CPNE3: variants seen among roughly 807,000 people sequenced by gnomAD.
CPNE3 encodes the protein copine-3.
CPNE3 carries 68 observed loss-of-function variants against 63.9 expected under a neutral mutation model. The ratio of observed to expected loss-of-function variants is 1.06; its 90% CI spans 0.87 to 1.30. CPNE3 has a LOEUF of 1.30. Ranked by LOEUF, CPNE3 falls within the 50% of genes most tolerant of loss-of-function variation. The probability of loss-of-function intolerance (pLI) is 0.00; values close to 1 mark genes in which losing one functional copy is unlikely to be tolerated. For synonymous variants in CPNE3, 219 were observed against 197.5 expected (o/e 1.11, Z -0.91); for missense variants, 665 against 578.1 (o/e 1.15, Z -1.54).
chr8:86,526,980 TGTTA>T (rs1345450373), intron 2 of CPNE3, among the ~76,000 whole-genome samples: 4 of 152,182 alleles, frequency 2.6e-5, no homozygotes, highest in Admixed American at 6.5e-5. Flanking sequence ...TTAAATAAGA[TGTTA>T]GTTGTTTTTT....
At chr8:86,526,433 A>G (rs923349518) in intron 2 of CPNE3, among the ~76,000 whole-genome samples, 3 of 152,136 alleles carry the variant, frequency 2.0e-5, no homozygotes, top group Non-Finnish European at 4.4e-5. Context: ...GCAGATAGTG[A>G]TAAAATGATA....
Position 86,548,252 on chromosome 8 carries a change from A to C in CPNE3, c.880-49A>C, listed in dbSNP as rs201693007. The C allele has an allele frequency of 4.9e-4, 787 of 1,601,582 alleles. 1 individual carries two copies. Among genetic ancestry groups the C allele is most frequent in the Non-Finnish European group, 6.4e-4 (754 of 1,173,964 alleles). On this transcript the variant is annotated intron_variant, in intron 11 of 16. Transcript: ENST00000517490. ...TGAAGTTTTCCTGGACATCAAGCAC[A>C]GGTGTCCCTGCCTTCTCCTTACTAA...
chr8:86,523,892 G>A (rs554535688), intron 2 of CPNE3, among the ~76,000 whole-genome samples: 1 of 152,266 alleles, frequency 6.6e-6, no homozygotes, highest in Non-Finnish European at 1.5e-5. Flanking sequence ...CCGGCCTGAA[G>A]TGGATCTTGA....
intron 8 of CPNE3, among the ~76,000 whole-genome samples, chr8:86,543,382 G>T (rs1292423798): frequency 6.6e-6 from 1 of 152,130 alleles, no homozygotes; most frequent in Non-Finnish European, 1.5e-5. Flanking sequence ...GGGAATGAAA[G>T]ACTTCCAGTT....
chr8:86,518,962 G>A (rs986619128), intron 2 of CPNE3, among the ~76,000 whole-genome samples: 2 of 152,150 alleles, frequency 1.3e-5, no homozygotes, highest in South Asian at 4.2e-4. Context: ...TAGAGATGGG[G>A]TTTAGCCATG....
At chr8:86,515,931 A>T (rs994026720) in intron 2 of CPNE3, among the ~76,000 whole-genome samples, 9 of 152,212 alleles carry the variant, frequency 5.9e-5, no homozygotes, top group Non-Finnish European at 1.2e-4. Flanking sequence ...ATGGGAAACG[A>T]AAAGGGAACT....
chr8:86,528,681 A>T lies in CPNE3; in HGVS notation c.132+4A>T, dbSNP rs1219483246. The T allele has an allele frequency of 6.2e-7, 1 of 1,606,594 alleles. No homozygotes were observed. The highest frequency in any genetic ancestry group is 2.2e-5 in the East Asian group (1 of 44,822). ...AAGTGGTCAACAGTGGTATGAGGTA[A>T]TGTCAAATACTTTACCTAAAAAGTA... On this transcript the variant is annotated splice_donor_region_variant and intron_variant, in intron 3 of 16. Coordinates refer to ENST00000517490, the MANE Select transcript of CPNE3 (RefSeq NM_003909.5).
In CPNE3 at chr8:86,522,516, G is replaced by GGATTTAC. The variant is rs544173955; in HGVS notation, c.-10-6019_-10-6013dup. Among the ~76,000 whole-genome samples the GGATTTAC allele has an allele frequency of 3.0e-3, 409 of 135,772 alleles. 2 individuals are homozygous for GGATTTAC. Among genetic ancestry groups the GGATTTAC allele is most frequent in the African/African-American group, 0.011 (389 of 35,858 alleles). 89.1% of individuals were successfully genotyped at this position (135,772 alleles called of 152,430 possible). On this transcript the variant is annotated intron_variant, in intron 2 of 16. Coordinates refer to ENST00000517490, the MANE Select transcript of CPNE3 (RefSeq NM_003909.5). ...AACTCTGAGGAGCATAGCAGCCTTT[G>GGATTTAC]GATTTACAGCCATATTACCTGACGC...
At chr8:86,548,180 A>G (rs1436179249) in intron 11 of CPNE3, 121 bp from the exon 12 acceptor site, 1 of 959,336 alleles carries the variant, frequency 1.0e-6, no homozygotes, top group African/African-American at 1.7e-5. Context: ...AGTGGTAGGC[A>G]TTTGTTAGGA....
chr8:86,539,153 T>A (rs1036616500), intron 7 of CPNE3, among the ~76,000 whole-genome samples: 2 of 152,236 alleles, frequency 1.3e-5, no homozygotes, highest in African/African-American at 4.8e-5. Context: ...GCTTTGTATT[T>A]AACTCATTAT....
At chr8:86,552,216 T>A (rs1226224302) in intron 14 of CPNE3, among the ~76,000 whole-genome samples, 1 of 152,216 alleles carries the variant, frequency 6.6e-6, no homozygotes, top group African/African-American at 2.4e-5. Flanking sequence ...TGTTTTTTCC[T>A]TTTCTTCCTA....
intron 11 of CPNE3, 129 bp from the exon 12 acceptor site, chr8:86,548,172 T>C: frequency 1.2e-6 from 1 of 839,486 alleles, no homozygotes; most frequent in Non-Finnish European, 1.8e-6. Context: ...ATGGAAATAG[T>C]GGTAGGCATT....
At chr8:86,520,608 G>C (rs573647544) in intron 2 of CPNE3, among the ~76,000 whole-genome samples, 50 of 150,764 alleles carry the variant, frequency 3.3e-4, no homozygotes, top group African/African-American at 1.1e-3. Context: ...AGAAGTTACA[G>C]CAGTTGCCCA....
chr8:86,559,242 T>C lies in CPNE3; in HGVS notation c.*832T>C, dbSNP rs922295031. 2 of 152,144 alleles carry C rather than the reference T, an allele frequency of 1.3e-5. No homozygotes were observed. The highest frequency in any genetic ancestry group is 4.8e-5 in the African/African-American group (2 of 41,428). The allele number at this position is 152,144 out of a possible 1,614,324, so 9.4% of individuals were successfully genotyped here. A position where few individuals can be genotyped will look rare whatever the true frequency, so the allele number is the denominator to read the frequency against. On this transcript the variant is annotated 3_prime_UTR_variant, in exon 17 of 17. Transcript: ENST00000517490. ...ATTCTACATTATTAGATTACTTTAATTGAGATTTGTTAAAACGGTTAGGAC... is the reference window on the plus strand; with the variant it reads ...ATTCTACATTATTAGATTACTTTAACTGAGATTTGTTAAAACGGTTAGGAC...
intron 4 of CPNE3, among the ~76,000 whole-genome samples, chr8:86,529,456 A>G (rs1820621796): frequency 6.6e-6 from 1 of 152,184 alleles, no homozygotes; most frequent in Non-Finnish European, 1.5e-5. Flanking sequence ...TCAAGATAAC[A>G]GCAACTTCTC....
chr8:86,553,091 T>TA (rs1250276841), intron 14 of CPNE3, among the ~76,000 whole-genome samples: 1 of 150,860 alleles, frequency 6.6e-6, no homozygotes, highest in Non-Finnish European at 1.5e-5. Context: ...CTAGAACTGC[T>TA]GACCTCTTGT....
At chr8:86,550,466 A>G (rs1035662387) in intron 12 of CPNE3, among the ~76,000 whole-genome samples, 3 of 152,124 alleles carry the variant, frequency 2.0e-5, no homozygotes, top group African/African-American at 7.2e-5. Flanking sequence ...TAGAAAAATT[A>G]TGTTCATTAT....
rs767748833 is a variant in CPNE3, at chr8:86,540,314, G to C, written c.613G>C (p.Asp205His). ...CTCTCTTAACTCACTGTGTTACGGA[G>C]ATATGGACAAAACCATTAAGGTAAG... ...KISLNSLCYG[D>H]MDKTIKVECY... Residue 205 changes from aspartate (D) to histidine (H), a missense_variant, in exon 8 of 17, where the codon GAT becomes CAT. Asp to His is a moderately conservative substitution (Grantham distance 81). Coordinates refer to ENST00000517490, the MANE Select transcript of CPNE3 (RefSeq NM_003909.5). The C allele has an allele frequency of 6.5e-7, 1 of 1,544,258 alleles. No individual in the cohort carries two copies. Among genetic ancestry groups the C allele is most frequent in the Non-Finnish European group, 8.7e-7 (1 of 1,147,146 alleles).
chr8:86,554,168 T>G (rs1165231232), intron 14 of CPNE3: 1 of 152,202 alleles, frequency 6.6e-6, no homozygotes, highest in Non-Finnish European at 1.5e-5. Flanking sequence ...TCTCCTTAGG[T>G]ATGGGTGTCA....
Sources: gnomAD v4.1 joint callset for allele counts (sites outside exome capture counted in the v4.1 genomes callset) on GRCh38, gnomAD v4.1.1 for gene constraint, MANE v1.5 for transcripts, NCBI Gene and HGNC (gene_info 2026-07-23, HGNC 2026-07-21) for gene names.